MARK2: variants seen among roughly 807,000 people sequenced by gnomAD.
MARK2 encodes the protein serine/threonine-protein kinase MARK2.
In MARK2, 16 loss-of-function variants were observed where a neutral mutation model predicts 89.8. The ratio of observed to expected loss-of-function variants is 0.18; its 90% CI spans 0.12 to 0.27. The LOEUF (loss-of-function observed/expected upper bound fraction) is 0.27. MARK2 is among the 10% of genes least tolerant of loss of function. The probability of loss-of-function intolerance (pLI) is 1.00; values close to 1 mark genes in which losing one functional copy is unlikely to be tolerated. For synonymous variants in MARK2, 382 were observed against 399.5 expected, an observed-to-expected ratio of 0.96 and a Z score of 0.52; for missense variants, 621 against 1,049.9, an observed-to-expected ratio of 0.59 and a Z score of 5.65.
chr11:63,900,379 C>T lies in MARK2; in HGVS notation c.769-180C>T, dbSNP rs962796742. ...CTCGGACTGGTCAAGTTAGAGGGTA[C>T]GAGGGTATTTGACTTCACTTGCCTC... On this transcript the variant is annotated intron_variant, in intron 8 of 18. Coordinates refer to ENST00000402010, the MANE Select transcript of MARK2 (RefSeq NM_001039469.3). This position sits in a 1 kb window ranked among gnomAD's most constrained non-coding sequence, Gnocchi z 4.7. Among the ~76,000 whole-genome samples, 4 of 152,172 alleles carry T rather than the reference C, an allele frequency of 2.6e-5. No homozygotes were observed. Among genetic ancestry groups the T allele is most frequent in the African/African-American group, 9.7e-5 (4 of 41,428 alleles).
At chr11:63,867,157 G>A (rs1233818082) in intron 1 of MARK2, among the ~76,000 whole-genome samples, 2 of 152,192 alleles carry the variant, frequency 1.3e-5, no homozygotes, top group African/African-American at 4.8e-5. Flanking sequence ...CTCCTGAGTA[G>A]CTGGGACCAC....
chr11:63,884,785 G>A (rs1173181631), intron 1 of MARK2, among the ~76,000 whole-genome samples: 1 of 152,218 alleles, frequency 6.6e-6, no homozygotes, highest in African/African-American at 2.4e-5. Context: ...GCAGTTGATA[G>A]CGATAGTTGC....
chr11:63,867,202 GT>G (rs1449689899), intron 1 of MARK2, among the ~76,000 whole-genome samples: 2 of 152,102 alleles, frequency 1.3e-5, no homozygotes, highest in Non-Finnish European at 2.9e-5. Context: ...AATGTTTTGC[GT>G]TTTTTGTAGA....
chr11:63,869,843 TC>T (rs1336176603), intron 1 of MARK2, among the ~76,000 whole-genome samples: 1 of 152,180 alleles, frequency 6.6e-6, no homozygotes, highest in Non-Finnish European at 1.5e-5. Context: ...GATGCCCACT[TC>T]CTGCTGTGGT....
intron 6 of MARK2, 95 bp from the exon 7 acceptor site, chr11:63,898,957 G>A: frequency 8.2e-7 from 1 of 1,220,894 alleles, no homozygotes; most frequent in Non-Finnish European, 1.2e-6. Flanking sequence ...TTATCCGTGT[G>A]GCAGGTTAGC....
At chr11:63,890,309 G>A (rs745727127) in intron 1 of MARK2, 21 of 1,336,856 alleles carry the variant, frequency 1.6e-5, no homozygotes, top group Non-Finnish European at 1.9e-5. Context: ...AGTAAGGGAA[G>A]GATTGAGCAC....
In MARK2 at chr11:63,899,128, T is replaced by A. The variant is rs942838668; in HGVS notation, c.531+20T>A. ...TTAAAGGTAAGGCATGCACTTCTCC[T>A]TGTGCCTTTGAGTGGGAGCCAGGTT... On this transcript the variant is annotated intron_variant, in intron 7 of 18. Transcript: ENST00000402010. 2 of 1,575,120 alleles carry A rather than the reference T, an allele frequency of 1.3e-6. No individual in the cohort carries two copies. The highest frequency in any genetic ancestry group is 1.7e-6 in the Non-Finnish European group (2 of 1,147,596).
At chr11:63,874,363 T>C (rs1938621132) in intron 1 of MARK2, among the ~76,000 whole-genome samples, 1 of 152,212 alleles carries the variant, frequency 6.6e-6, no homozygotes, top group South Asian at 2.1e-4. Context: ...AATATACCCT[T>C]AAGACATCTC....
Position 63,902,065 on chromosome 11 carries a change from T to C in MARK2, c.1102-133T>C. The C allele has an allele frequency of 2.2e-6, 2 of 919,106 alleles. No homozygotes were observed. Among genetic ancestry groups the C allele is most frequent in the Non-Finnish European group, 3.3e-6 (2 of 609,932 alleles). 56.9% of individuals were successfully genotyped at this position (919,106 alleles called of 1,614,324 possible). On this transcript the variant is annotated intron_variant, in intron 11 of 18. Coordinates refer to ENST00000402010, the MANE Select transcript of MARK2 (RefSeq NM_001039469.3). The surrounding 1 kb of genome is among the most constrained non-coding windows in gnomAD (Gnocchi z 4.2). ...CTCCTCCAGGGGGGATGTATTGGTC[T>C]TACAAGTGGATGTCCGGTATGATCC... is the stretch of plus-strand genomic sequence containing the variant.
rs1941698666 is a variant in MARK2, at chr11:63,910,664, T to TTTTGATTTA, written c.*1429_*1430insTGATTTATT. 6.6e-6 allele frequency: 1 copy of TTTTGATTTA among 150,924 alleles called. No individual in the cohort carries two copies. Among genetic ancestry groups the TTTTGATTTA allele is most frequent in the Admixed American group, 6.6e-5 (1 of 15,206 alleles). 9.3% of individuals were successfully genotyped at this position (150,924 alleles called of 1,614,324 possible). On this transcript the variant is annotated 3_prime_UTR_variant, in exon 19 of 19. Coordinates refer to ENST00000402010, the MANE Select transcript of MARK2 (RefSeq NM_001039469.3). ...ATTATTTTATTTTATTTTTTTTTTT[T>TTTTGATTTA]TTGATTTATGATGACTCCACCCCTC...
chr11:63,887,575 C>T (rs926466208), intron 1 of MARK2, among the ~76,000 whole-genome samples: 1 of 152,208 alleles, frequency 6.6e-6, no homozygotes, highest in African/African-American at 2.4e-5. Context: ...AAGCTTTGCC[C>T]TTCCCTAGAG....
chr11:63,903,204 C>T lies in MARK2; in HGVS notation c.1514+46C>T, dbSNP rs1459286655. On this transcript the variant is annotated intron_variant, in intron 14 of 18. Transcript: ENST00000402010. This position sits in a 1 kb window ranked among gnomAD's most constrained non-coding sequence, Gnocchi z 5.1. ...CTGCCTCACTCCCTAGGAGCCATGT[C>T]TCACAGGGTGATGTCTGTCAGCAGC... 7.1e-7 allele frequency: 1 copy of T among 1,416,592 alleles called. No individual in the cohort carries two copies. Among genetic ancestry groups the T allele is most frequent in the South Asian group, 1.1e-5 (1 of 87,116 alleles). 87.8% of individuals were successfully genotyped at this position (1,416,592 alleles called of 1,614,324 possible). A position where few individuals can be genotyped will look rare whatever the true frequency, so the allele number is the denominator to read the frequency against.
At chr11:63,859,058 A>T (rs1248026075) in intron 1 of MARK2, among the ~76,000 whole-genome samples, 2 of 151,380 alleles carry the variant, frequency 1.3e-5, no homozygotes, top group Non-Finnish European at 2.9e-5. Context: ...GTGTTTTATT[A>T]TGAGGTAGGT....
chr11:63,849,232 G>C lies in MARK2; in HGVS notation c.54+9672G>C, dbSNP rs73492287. On this transcript the variant is annotated intron_variant, in intron 1 of 18. Coordinates refer to ENST00000402010, the MANE Select transcript of MARK2 (RefSeq NM_001039469.3). ...TCTCCGCCACAGAAGACTGTCATTG[G>C]CTATCTTTGCAAGTAGTATTGAAGC... Among the ~76,000 whole-genome samples the C allele has an allele frequency of 7.7e-3, 1,180 of 152,266 alleles. 13 individuals carry two copies. Among genetic ancestry groups the C allele is most frequent in the African/African-American group, 0.027 (1,116 of 41,548 alleles).
chr11:63,840,350 G>T (rs1313767077), intron 1 of MARK2, among the ~76,000 whole-genome samples: 3 of 152,092 alleles, frequency 2.0e-5, no homozygotes, highest in Admixed American at 6.5e-5. Context: ...GATCCCTCTT[G>T]TTCTCTTCCC....
chr11:63,855,631 A>G (rs1161764521), intron 1 of MARK2, among the ~76,000 whole-genome samples: 1 of 152,122 alleles, frequency 6.6e-6, no homozygotes, highest in East Asian at 1.9e-4. Context: ...AAAAACTACC[A>G]CTTGTTGAAT....
chr11:63,898,517 C>CT, intron 4 of MARK2, 91 bp from the exon 5 acceptor site: 8 of 1,075,214 alleles, frequency 7.4e-6, no homozygotes, highest in Non-Finnish European at 1.1e-5. Flanking sequence ...GGAGGGGAGA[C>CT]TTTCGTTCCT....
rs1940942828 is a variant in MARK2 at position 63,902,091 on chromosome 11, T to C, written c.1102-107T>C. 1.6e-6 allele frequency: 2 copies of C among 1,234,790 alleles called. No individual in the cohort carries two copies. Among genetic ancestry groups the C allele is most frequent in the South Asian group, 1.4e-5 (1 of 72,162 alleles). The allele number at this position is 1,234,790 out of a possible 1,614,324, so 76.5% of individuals were successfully genotyped here. On this transcript the variant is annotated intron_variant, in intron 11 of 18. Transcript: ENST00000402010. The surrounding 1 kb of genome is among the most constrained non-coding windows in gnomAD (Gnocchi z 4.2). ...TACAAGTGGATGTCCGGTATGATCC[T>C]GGGGTGTTTGAGTGTTGGGAGAGGG...
At position 63,892,469 on chromosome 11, in the gene MARK2, C is replaced by CT. The variant is rs535923432; in HGVS notation, c.55-2683dup. 4.5e-4 allele frequency among the ~76,000 whole-genome samples: 68 copies of CT among 152,202 alleles called. No homozygotes were observed. In the South Asian group the frequency reaches 9.1e-3, roughly 20 times the overall value. The stretch of plus-strand genomic sequence containing the variant: ...GTTCCTTGGGTAGTAGCAAGTCATT[C>CT]TTTTTTTCTCTGTGGTTTTTGAGTG... On this transcript the variant is annotated intron_variant, in intron 1 of 18. Transcript: ENST00000402010.
Sources: gnomAD v4.1 joint callset for allele counts (sites outside exome capture counted in the v4.1 genomes callset) on GRCh38, gnomAD v4.1.1 for gene constraint, Gnocchi (gnomAD v3.1) non-coding constraint, MANE v1.5 for transcripts, NCBI Gene and HGNC (gene_info 2026-07-23, HGNC 2026-07-21) for gene names.